Variants in MYOM2 observed in about 807,000 individuals in gnomAD.
MYOM2 encodes myomesin-2.
A neutral mutation model predicts 187.6 loss-of-function variants in MYOM2; 254 were observed. That is an observed-to-expected ratio of 1.35 (90% CI 1.22 to 1.50). MYOM2 has a LOEUF of 1.50. MYOM2 is among the 40% of genes most tolerant of loss of function. MYOM2 has a pLI of 0.00. For missense variants in MYOM2, 2,796 were observed against 1,924.0 expected, an observed-to-expected ratio of 1.45 and a Z score of -8.48; for synonymous variants, 981 against 753.8, an observed-to-expected ratio of 1.30 and a Z score of -4.94.
At chr8:2,083,120 A>ACAAT (rs1819686581) in intron 13 of MYOM2, among the ~76,000 whole-genome samples, 1 of 152,250 alleles carries the variant, frequency 6.6e-6, no homozygotes, top group South Asian at 2.1e-4. Context: ...GCATTTTAAA[A>ACAAT]CAATCATATA....
At chr8:2,074,601 T>A (rs1325349685) in intron 10 of MYOM2, among the ~76,000 whole-genome samples, 2 of 152,110 alleles carry the variant, frequency 1.3e-5, no homozygotes, top group Non-Finnish European at 2.9e-5. Flanking sequence ...ACTACAGGCA[T>A]GTACCACCAC....
chr8:2,085,389 AGG>A lies in MYOM2; in HGVS notation c.1644_1644+1del. 6.2e-7 allele frequency: 1 copy of A among 1,608,006 alleles called. No homozygotes were observed. The highest frequency in any genetic ancestry group is 8.5e-7 in the Non-Finnish European group (1 of 1,177,758). On this transcript the variant is annotated splice_donor_variant and coding_sequence_variant, in exon 14 of 37. Transcript: ENST00000262113. LOFTEE classifies it high-confidence loss of function. The stretch of plus-strand genomic sequence containing the variant: ...GACCCGCTCATGTACTTCATTGAGA[AGG>A]TAAACTCCGGGCCCGTGTCCTGGAA...
intron 32 of MYOM2, among the ~76,000 whole-genome samples, chr8:2,137,082 C>T (rs753402043): frequency 4.6e-5 from 7 of 151,604 alleles, no homozygotes; most frequent in Non-Finnish European, 1.0e-4. Flanking sequence ...CACACACACA[C>T]ATATACACAC....
chr8:2,079,633 C>T lies in MYOM2; in HGVS notation c.1516+20C>T. 3 of 1,612,348 alleles carry T rather than the reference C, an allele frequency of 1.9e-6. No individual in the cohort carries two copies. Among genetic ancestry groups the T allele is most frequent in the Non-Finnish European group, 1.7e-6 (2 of 1,178,406 alleles). On this transcript the variant is annotated intron_variant, in intron 13 of 36. Transcript: ENST00000262113. ...TTGAAGGTAAGTAGCACCTCATCAC[C>T]CCAGCTGCTCAGCCCCTGGGGATTT...
intron 36 of MYOM2, among the ~76,000 whole-genome samples, chr8:2,144,354 CAT>C (rs1157042570): frequency 2.0e-5 from 3 of 152,142 alleles, no homozygotes; most frequent in Non-Finnish European, 4.4e-5. Context: ...TACTATAAAA[CAT>C]AGAGCTTAAT....
intron 9 of MYOM2, 32 bp from the exon 10 acceptor site, chr8:2,073,307 G>T (rs771795707): frequency 1.3e-6 from 2 of 1,580,874 alleles, no homozygotes; most frequent in East Asian, 2.3e-5. Flanking sequence ...GGTGATTTTG[G>T]ATGCAAACCT....
chr8:2,115,915 G>T, intron 25 of MYOM2, 45 bp from the exon 26 acceptor site: 1 of 1,589,110 alleles, frequency 6.3e-7, no homozygotes, highest in Non-Finnish European at 8.6e-7. Context: ...AAAACTAGGA[G>T]AGATTTCCTT....
At chr8:2,062,743 C>G (rs1818892747) in intron 6 of MYOM2, among the ~76,000 whole-genome samples, 1 of 152,148 alleles carries the variant, frequency 6.6e-6, no homozygotes, top group Non-Finnish European at 1.5e-5. Flanking sequence ...TGTCTGCTTT[C>G]TACCCTGTGT....
intron 31 of MYOM2, 87 bp downstream of exon 31, chr8:2,124,304 G>A: frequency 7.5e-7 from 1 of 1,326,318 alleles, no homozygotes; most frequent in East Asian, 2.4e-5. Context: ...GCAAAAGAGG[G>A]CACCATGGAG....
chr8:2,087,199 C>T (rs1471151005), intron 14 of MYOM2, among the ~76,000 whole-genome samples: 4 of 151,986 alleles, frequency 2.6e-5, no homozygotes, highest in African/African-American at 4.8e-5. Flanking sequence ...TAGGGTTTTG[C>T]GATACAAAAT....
At chr8:2,058,209 G>T (rs1399929978) in intron 5 of MYOM2, among the ~76,000 whole-genome samples, 1 of 151,826 alleles carries the variant, frequency 6.6e-6, no homozygotes, top group African/African-American at 2.4e-5. Flanking sequence ...AGTAGAGATG[G>T]GGTTTCACCA....
Position 2,078,931 on chromosome 8 carries a change from A to T in MYOM2, c.1460A>T (p.Gln487Leu). Reference protein sequence around the residue: ...ALDPLDLRRLQAVHLEGEKEI... With the variant: ...ALDPLDLRRLLAVHLEGEKEI... Reference sequence around the variant, plus strand: ...GACCCCTTGGACCTCAGAAGGTTACAAGGTAAGCTGCTCACGCCTAAGTAT... The same window carrying T: ...GACCCCTTGGACCTCAGAAGGTTACTAGGTAAGCTGCTCACGCCTAAGTAT... The change falls in exon 12 of 37, where the codon CAA (glutamine) becomes CTA (leucine). Residue 487 changes from glutamine (Q) to leucine (L), a missense_variant and splice_region_variant. Gln to Leu is a moderately radical substitution (Grantham distance 113). Transcript: ENST00000262113. The T allele has an allele frequency of 6.2e-7, 1 of 1,613,674 alleles. No individual in the cohort carries two copies. Among genetic ancestry groups the T allele is most frequent in the East Asian group, 2.2e-5 (1 of 44,872 alleles).
intron 15 of MYOM2, among the ~76,000 whole-genome samples, chr8:2,092,100 G>A (rs1275942809): frequency 4.6e-5 from 7 of 152,092 alleles, no homozygotes; most frequent in Non-Finnish European, 4.4e-5. Flanking sequence ...GATTCAGGAT[G>A]GATGTCATCC....
At chr8:2,077,729 TC>T (rs758429608) in intron 11 of MYOM2, among the ~76,000 whole-genome samples, 9 of 152,218 alleles carry the variant, frequency 5.9e-5, no homozygotes, top group Non-Finnish European at 5.9e-5. Context: ...TCCACGCTCC[TC>T]CCCTCATTAC....
intron 11 of MYOM2, among the ~76,000 whole-genome samples, chr8:2,078,049 C>G (rs1331081061): frequency 1.3e-5 from 2 of 152,180 alleles, no homozygotes; most frequent in Non-Finnish European, 2.9e-5. Context: ...CACTGATTTT[C>G]TGAACTAGCT....
chr8:2,119,587 T>A (rs1359352509), intron 28 of MYOM2: 1 of 151,990 alleles, frequency 6.6e-6, no homozygotes, highest in Non-Finnish European at 1.5e-5. Context: ...GCTGAGGAGA[T>A]GGGACACAAG....
rs73543067 is a variant in MYOM2 at position 2,096,504 on chromosome 8, C to T, written c.2313+70C>T. 3.0e-3 allele frequency: 4,283 copies of T among 1,430,408 alleles called. 111 individuals are homozygous for T. The African/African-American group carries it at 0.054, about 18-fold the overall frequency. 88.6% of individuals were successfully genotyped at this position (1,430,408 alleles called of 1,614,324 possible). On this transcript the variant is annotated intron_variant, in intron 18 of 36. Coordinates refer to ENST00000262113, the MANE Select transcript of MYOM2 (RefSeq NM_003970.4). ...CTTTACATTTTTGGCAATGTTTCTG[C>T]GTTTGATGACATTAGATAGTTTGAT...
rs1371127304 is a variant in MYOM2, at chr8:2,078,594, A to T, written c.1263-140A>T. ...TTCTAATGTTTATCTATACAAGTCA[A>T]TATCTTAGCAGCAAAGATTTTACTG... is the stretch of plus-strand genomic sequence containing the variant. On this transcript the variant is annotated intron_variant, in intron 11 of 36. Transcript: ENST00000262113. The T allele has an allele frequency of 8.4e-6, 6 of 716,040 alleles. No homozygotes were observed. In the African/African-American group the frequency reaches 1.1e-4, roughly 13 times the overall value. The allele number at this position is 716,040 out of a possible 1,614,324, so 44.4% of individuals were successfully genotyped here.
chr8:2,107,802 CACG>C (rs1411578268), intron 23 of MYOM2, among the ~76,000 whole-genome samples: 1 of 152,188 alleles, frequency 6.6e-6, no homozygotes, highest in African/African-American at 2.4e-5. Context: ...TTTGTACCTT[CACG>C]ACATCCTGAA....
Sources: allele counts gnomAD v4.1 joint callset (sites outside exome capture counted in the v4.1 genomes callset), GRCh38; gene constraint gnomAD v4.1.1; transcripts MANE v1.5; gene names NCBI Gene and HGNC (gene_info 2026-07-23, HGNC 2026-07-21).